The following NBEA variants were observed in gnomAD, a reference collection of about 807,000 sequenced individuals.
NBEA encodes the protein lysosomal-trafficking regulator 2.
Under a neutral mutation model 343.4 loss-of-function variants are expected in NBEA, and 44 were observed. That is an observed-to-expected ratio of 0.13 (90% CI 0.10 to 0.16). The LOEUF (loss-of-function observed/expected upper bound fraction) is 0.16. Among genes scored for constraint, NBEA ranks in the 10% least tolerant of loss-of-function variants. The pLI, the probability that NBEA is intolerant of heterozygous loss-of-function variation, is 1.00. For missense variants in NBEA, 2,555 were observed against 3,631.3 expected (o/e 0.70, Z 7.62); for synonymous variants, 1,175 against 1,238.7 (o/e 0.95, Z 1.08).
chr13:35,588,778 T>C (rs764205557), intron 46 of NBEA, among the ~76,000 whole-genome samples: 1 of 152,102 alleles, frequency 6.6e-6, no homozygotes, highest in Admixed American at 6.6e-5. Context: ...ACAGAAGTAA[T>C]TAAATCTTTT....
At chr13:35,329,770 A>T (rs2038804970) in intron 36 of NBEA, among the ~76,000 whole-genome samples, 1 of 132,434 alleles carries the variant, frequency 7.6e-6, no homozygotes, top group Non-Finnish European at 1.5e-5. Flanking sequence ...CATTTGTCAA[A>T]ATTAAACTGC....
At chr13:35,292,327 G>C (rs941656772) in intron 35 of NBEA, among the ~76,000 whole-genome samples, 1 of 151,910 alleles carries the variant, frequency 6.6e-6, no homozygotes, top group Non-Finnish European at 1.5e-5. Context: ...ACTTAAATTT[G>C]AGATGATTTA....
chr13:35,630,563 T>G (rs1322164840), intron 49 of NBEA, among the ~76,000 whole-genome samples: 2 of 152,168 alleles, frequency 1.3e-5, no homozygotes, highest in East Asian at 3.9e-4. Flanking sequence ...CCTTTCAGCA[T>G]GCTCATTCGA....
At chr13:35,409,280 G>A (rs1462080644) in intron 38 of NBEA, among the ~76,000 whole-genome samples, 4 of 152,042 alleles carry the variant, frequency 2.6e-5, no homozygotes, top group African/African-American at 4.8e-5. Flanking sequence ...CTTGTAAATG[G>A]AAGCTAAATG....
intron 1 of NBEA, among the ~76,000 whole-genome samples, chr13:34,974,168 A>G (rs2060090531): frequency 2.6e-5 from 4 of 151,844 alleles, no homozygotes; most frequent in Admixed American, 2.0e-4. Flanking sequence ...TCTGCTTTTC[A>G]TTGTTCTTTA....
At chr13:35,565,677 A>G (rs569547235) in intron 44 of NBEA, among the ~76,000 whole-genome samples, 27 of 152,318 alleles carry the variant, frequency 1.8e-4, no homozygotes, top group African/African-American at 6.3e-4. Context: ...TGTTTCTTTA[A>G]TAGCTATTCT....
chr13:34,984,889 G>T (rs541738763), intron 1 of NBEA, among the ~76,000 whole-genome samples: 1 of 151,148 alleles, frequency 6.6e-6, no homozygotes, highest in East Asian at 1.9e-4. Flanking sequence ...GATTGATTTT[G>T]TATCCTGAGA....
rs185284005 is a variant in NBEA at position 35,350,014 on chromosome 13, G to A, written c.6012+798G>A. The stretch of plus-strand genomic sequence containing the variant: ...CTTGTCTTGTGAAATTGCAACAACC[G>A]TATTCTGAGAAAGATACCAGATATT... On this transcript the variant is annotated intron_variant, in intron 37 of 58. Transcript: ENST00000379939. Among the ~76,000 whole-genome samples the A allele has an allele frequency of 3.7e-4, 57 of 152,138 alleles. No homozygotes were observed. The East Asian group carries it at 8.9e-3, about 24-fold the overall frequency.
chr13:35,112,800 G>T (rs2066284169), intron 13 of NBEA, among the ~76,000 whole-genome samples: 3 of 151,366 alleles, frequency 2.0e-5, no homozygotes, highest in Non-Finnish European at 4.4e-5. Flanking sequence ...TTTTTTTTCT[G>T]ATTCGATTGG....
intron 38 of NBEA, among the ~76,000 whole-genome samples, chr13:35,424,257 G>T (rs2044496935): frequency 6.6e-6 from 1 of 152,116 alleles, no homozygotes; most frequent in Non-Finnish European, 1.5e-5. Context: ...TCCAGTTTTT[G>T]CCCATTCAGT....
At chr13:35,322,140 G>C (rs1182636717) in intron 36 of NBEA, among the ~76,000 whole-genome samples, 1 of 151,982 alleles carries the variant, frequency 6.6e-6, no homozygotes, top group African/African-American at 2.4e-5. Flanking sequence ...GCACCACTGG[G>C]ATGTGAAAAA....
intron 41 of NBEA, among the ~76,000 whole-genome samples, chr13:35,479,913 G>A (rs772596857): frequency 1.3e-5 from 2 of 151,438 alleles, no homozygotes; most frequent in African/African-American, 4.9e-5. Context: ...CCTAATTGAA[G>A]GAAAAAAATC....
intron 38 of NBEA, among the ~76,000 whole-genome samples, chr13:35,389,121 C>T (rs1310039704): frequency 6.6e-6 from 1 of 151,820 alleles, no homozygotes; most frequent in Non-Finnish European, 1.5e-5. Context: ...TGTTCACAGC[C>T]GAAAAGTGAA....
intron 13 of NBEA, among the ~76,000 whole-genome samples, chr13:35,111,296 A>C (rs2066193359): frequency 6.6e-6 from 1 of 152,140 alleles, no homozygotes. Context: ...GTTCTAGTAC[A>C]TCAGTTGCTT....
chr13:35,376,287 A>C (rs651810), intron 38 of NBEA, among the ~76,000 whole-genome samples: 44,280 of 151,978 alleles, frequency 0.29, 8,293 homozygotes, highest in African/African-American at 0.54. Context: ...TGTTTCAAGT[A>C]ATTCTGGAGT....
chr13:35,426,148 T>C (rs956529873), intron 38 of NBEA, among the ~76,000 whole-genome samples: 9 of 152,200 alleles, frequency 5.9e-5, no homozygotes, highest in African/African-American at 1.9e-4. Context: ...CCCATTTACA[T>C]TCAAAGTTAA....
chr13:35,416,959 T>C (rs2043949924), intron 38 of NBEA, among the ~76,000 whole-genome samples: 1 of 152,140 alleles, frequency 6.6e-6, no homozygotes, highest in Non-Finnish European at 1.5e-5. Flanking sequence ...CCTGGTTTAG[T>C]CTTGGGAGGG....
intron 39 of NBEA, among the ~76,000 whole-genome samples, chr13:35,449,708 A>G (rs1193284500): frequency 1.3e-5 from 2 of 152,228 alleles, no homozygotes; most frequent in Non-Finnish European, 2.9e-5. Flanking sequence ...AAGGTTCTGA[A>G]GCATTCAGTG....
At chr13:35,527,372 GTT>G (rs1303652426) in intron 41 of NBEA, among the ~76,000 whole-genome samples, 1 of 152,170 alleles carries the variant, frequency 6.6e-6, no homozygotes, top group African/African-American at 2.4e-5. Context: ...TGAAGGTGGG[GTT>G]TCACCAGGGA....
Sources: allele counts gnomAD v4.1 joint callset (sites outside exome capture counted in the v4.1 genomes callset), GRCh38; gene constraint gnomAD v4.1.1; transcripts MANE v1.5; gene names NCBI Gene and HGNC (gene_info 2026-07-23, HGNC 2026-07-21).